Variants in CEP128 observed in about 807,000 individuals in gnomAD.
CEP128 encodes centrosomal protein 128kDa.
Under a neutral mutation model 156.7 loss-of-function variants are expected in CEP128, and 132 were observed. The observed-to-expected ratio is 0.84, with a 90% CI of 0.73 to 0.97. CEP128 has a LOEUF of 0.97. Ranked by LOEUF, CEP128 falls within the 50% of genes least tolerant of loss-of-function variation. CEP128 has a pLI of 0.00. For synonymous variants in CEP128, 469 were observed against 448.9 expected (o/e 1.04, Z -0.57); for missense variants, 1,252 against 1,281.9 (o/e 0.98, Z 0.36).
At chr14:80,484,269 C>T (rs1298845587) in intron 14 of CEP128, among the ~76,000 whole-genome samples, 1 of 152,192 alleles carries the variant, frequency 6.6e-6, no homozygotes, top group Non-Finnish European at 1.5e-5. Context: ...TGAGCCACCG[C>T]ACTCAGCCAA....
intron 19 of CEP128, among the ~76,000 whole-genome samples, chr14:80,626,236 G>A (rs531416491): frequency 1.3e-5 from 2 of 151,298 alleles, no homozygotes; most frequent in South Asian, 4.2e-4. Context: ...AGGCCGAGGC[G>A]GGTGGATCAT....
intron 19 of CEP128, among the ~76,000 whole-genome samples, chr14:80,709,533 C>A (rs1897329594): frequency 6.6e-6 from 1 of 152,082 alleles, no homozygotes; most frequent in Non-Finnish European, 1.5e-5. Context: ...TTCATTCTTC[C>A]AAATGAATTT....
At chr14:80,720,479 T>C (rs1262802380) in intron 19 of CEP128, among the ~76,000 whole-genome samples, 1 of 152,320 alleles carries the variant, frequency 6.6e-6, no homozygotes, top group South Asian at 2.1e-4. Context: ...CAAAGAAATC[T>C]CTTCATTGTC....
At chr14:80,548,669 T>C (rs1890087691) in intron 21 of CEP128, among the ~76,000 whole-genome samples, 1 of 152,218 alleles carries the variant, frequency 6.6e-6, no homozygotes, top group Non-Finnish European at 1.5e-5. Flanking sequence ...GTGCTGTTCT[T>C]AATATTGTTT....
intron 9 of CEP128, among the ~76,000 whole-genome samples, chr14:80,850,819 C>A (rs1886852482): frequency 2.6e-5 from 4 of 152,072 alleles, no homozygotes; most frequent in Admixed American, 1.3e-4. Context: ...ACAAAGATAT[C>A]AAAAATCCAG....
At chr14:80,671,357 T>A (rs1343121217) in intron 19 of CEP128, among the ~76,000 whole-genome samples, 2 of 152,156 alleles carry the variant, frequency 1.3e-5, no homozygotes, top group Non-Finnish European at 2.9e-5. Flanking sequence ...GGCCTTGGAT[T>A]GTAGGTAAGA....
downstream of CEP128, among the ~76,000 whole-genome samples, chr14:80,489,512 G>T (rs1195049308): frequency 6.6e-6 from 1 of 152,030 alleles, no homozygotes; most frequent in Non-Finnish European, 1.5e-5. Context: ...AGTCTCTAAA[G>T]GTAGAAGCTG....
intron 19 of CEP128, among the ~76,000 whole-genome samples, chr14:80,729,202 C>A (rs1477223594): frequency 6.6e-6 from 1 of 150,628 alleles, no homozygotes; most frequent in Non-Finnish European, 1.5e-5. Context: ...TCCACTGTAT[C>A]ATTCTTATGC....
At chr14:80,553,429 C>G (rs992672456) in intron 21 of CEP128, among the ~76,000 whole-genome samples, 8 of 152,246 alleles carry the variant, frequency 5.3e-5, no homozygotes, top group African/African-American at 1.9e-4. Flanking sequence ...GTATGTGATG[C>G]CATTTGTGTC....
chr14:80,714,310 A>G (rs1436074769), intron 19 of CEP128, among the ~76,000 whole-genome samples: 1 of 151,936 alleles, frequency 6.6e-6, no homozygotes, highest in Non-Finnish European at 1.5e-5. Flanking sequence ...ACACACACAC[A>G]TACACACACA....
intron 9 of CEP128, among the ~76,000 whole-genome samples, chr14:80,851,431 A>G (rs1391930632): frequency 3.3e-5 from 5 of 152,164 alleles, no homozygotes. Context: ...AGGAACGAGA[A>G]GGGAGAAAAA....
chr14:80,563,340 G>T (rs1390942104), intron 20 of CEP128, among the ~76,000 whole-genome samples: 1 of 152,114 alleles, frequency 6.6e-6, no homozygotes, highest in Non-Finnish European at 1.5e-5. Flanking sequence ...ATACTTCCAT[G>T]CTATTTCAGA....
At chr14:80,671,764 A>G (rs1194484354) in intron 19 of CEP128, among the ~76,000 whole-genome samples, 1 of 151,840 alleles carries the variant, frequency 6.6e-6, no homozygotes, top group Non-Finnish European at 1.5e-5. Flanking sequence ...CTGATTGATT[A>G]CAGAGGATGT....
At chr14:80,557,040 C>CA (rs1370492767) in intron 21 of CEP128, among the ~76,000 whole-genome samples, 1 of 152,132 alleles carries the variant, frequency 6.6e-6, no homozygotes, top group African/African-American at 2.4e-5. Context: ...TTGAAACTAT[C>CA]AAAAAACTAC....
intron 19 of CEP128, among the ~76,000 whole-genome samples, chr14:80,706,327 A>G (rs1897239846): frequency 6.6e-6 from 1 of 152,174 alleles, no homozygotes. Flanking sequence ...CACAATGGCA[A>G]TATTTTGCAG....
rs1308893576 is a variant in CEP128 at position 80,935,438 on chromosome 14, C to CTATTTGAGAGGCTGAGGCA, written c.-16+3928_-16+3946dup. On this transcript the variant is annotated intron_variant, in intron 2 of 24. Coordinates refer to ENST00000555265, the MANE Select transcript of CEP128 (RefSeq NM_152446.5). ...TGGTGCTGAGCACCTGTAATCCCTG[C>CTATTTGAGAGGCTGAGGCA]TATTTGAGAGGCTGAGGCAGGAGAA... 6.1e-4 allele frequency among the ~76,000 whole-genome samples: 92 copies of CTATTTGAGAGGCTGAGGCA among 151,774 alleles called. 1 individual carries two copies. Among genetic ancestry groups the CTATTTGAGAGGCTGAGGCA allele is most frequent in the African/African-American group, 2.1e-3 (88 of 41,332 alleles).
chr14:80,642,043 T>C (rs1481558309), intron 19 of CEP128, among the ~76,000 whole-genome samples: 1 of 131,662 alleles, frequency 7.6e-6, no homozygotes, highest in East Asian at 2.3e-4. Context: ...TGAGCCAAGA[T>C]AGTGCCACTG....
At position 80,862,738 on chromosome 14, in the gene CEP128, G is replaced by GA; in HGVS notation, c.762+18dup. Reference sequence around the variant, plus strand: ...TCCAAATTCAAGATTTACATTCCATGAAAGTGTTTTTCACAAACCTCCTGT... The same window carrying GA: ...TCCAAATTCAAGATTTACATTCCATGAAAAGTGTTTTTCACAAACCTCCTGT... On this transcript the variant is annotated intron_variant, in intron 9 of 24. Coordinates refer to ENST00000555265, the MANE Select transcript of CEP128 (RefSeq NM_152446.5). 6.9e-7 allele frequency: 1 copy of GA among 1,458,676 alleles called. No homozygotes were observed. Among genetic ancestry groups the GA allele is most frequent in the Non-Finnish European group, 9.6e-7 (1 of 1,038,722 alleles). 90.4% of individuals were successfully genotyped at this position (1,458,676 alleles called of 1,614,324 possible).
chr14:80,792,908 A>G lies in CEP128; in HGVS notation c.1412T>C (p.Leu471Pro). The G allele has an allele frequency of 6.2e-7, 1 of 1,614,106 alleles. No homozygotes were observed. Residue 471 changes from leucine to proline, a missense_variant, in exon 14 of 25, where the codon CTG (leucine) becomes CCG (proline). By Grantham distance (98) the Leu-to-Pro change is moderately conservative. Transcript: ENST00000555265. ...YLSELQQSEA[L>P]KEEAEKRRED... ...CCTCCTCTTCTCCGCCTCCTCTTTC[A>G]GAGCCTCTGACTGCTGGAGCTCACT...
Sources: gnomAD v4.1 joint callset for allele counts (sites outside exome capture counted in the v4.1 genomes callset) on GRCh38, gnomAD v4.1.1 for gene constraint, MANE v1.5 for transcripts, NCBI Gene and HGNC (gene_info 2026-07-23, HGNC 2026-07-21) for gene names.